The following NETO1 variants were observed in gnomAD, a reference collection of about 807,000 sequenced individuals.
NETO1 encodes neuropilin and tolloid-like protein 1.
Under a neutral mutation model 61.3 loss-of-function variants are expected in NETO1, and 26 were observed. The ratio of observed to expected loss-of-function variants is 0.42; its 90% CI spans 0.31 to 0.59. The LOEUF (loss-of-function observed/expected upper bound fraction) is 0.59. Among genes scored for constraint, NETO1 ranks in the 20% least tolerant of loss-of-function variants. The probability of loss-of-function intolerance (pLI) is 0.12; values close to 1 mark genes in which losing one functional copy is unlikely to be tolerated. For synonymous variants in NETO1, 225 were observed against 225.8 expected (o/e 1.00, Z 0.03); for missense variants, 531 against 662.8 (o/e 0.80, Z 2.18).
chr18:72,814,361 A>G (rs1291944111), intron 4 of NETO1, among the ~76,000 whole-genome samples: 2 of 152,196 alleles, frequency 1.3e-5, no homozygotes, highest in Non-Finnish European at 2.9e-5. Context: ...TAGTTTCTTG[A>G]GTAACCACTA....
Position 72,783,719 on chromosome 18 carries a change from C to T in NETO1, c.827G>A (p.Arg276Gln), listed in dbSNP as rs1269426198. The change falls in exon 7 of 11, where the codon CGA becomes CAA. Residue 276 changes from arginine to glutamine, a missense_variant. Coordinates refer to ENST00000327305, the MANE Select transcript of NETO1 (RefSeq NM_138966.5). ...GAAGAGCATCTGAAATCGGCTGTTTCGACTGCCCTCATCTGCCCACATGCG... is the reference window on the plus strand; with the variant it reads ...GAAGAGCATCTGAAATCGGCTGTTTTGACTGCCCTCATCTGCCCACATGCG... The part of the protein sequence containing the change: ...VIRMWADEGS[R>Q]NSRFQMLFTS... 6.2e-7 allele frequency: 1 copy of T among 1,614,116 alleles called. No individual in the cohort carries two copies. Among genetic ancestry groups the T allele is most frequent in the Non-Finnish European group, 8.5e-7 (1 of 1,180,006 alleles).
At chr18:72,786,975 A>G (rs917116087) in intron 6 of NETO1, among the ~76,000 whole-genome samples, 1 of 151,434 alleles carries the variant, frequency 6.6e-6, no homozygotes, top group African/African-American at 2.4e-5. Context: ...TTGCTCCAGG[A>G]TCATAAGTGA....
rs750741918 is a variant in NETO1, at chr18:72,864,956, A to G, written c.83-11T>C. On this transcript the variant is annotated splice_polypyrimidine_tract_variant and intron_variant, in intron 2 of 10. Transcript: ENST00000327305. ...AGGTGGTTTGCTTTTCTGTTAAAAA[A>G]AAAAAAAAGTTTTAAAAAGAGCCAT... 87 of 1,575,062 alleles carry G rather than the reference A, an allele frequency of 5.5e-5. No homozygotes were observed. The Admixed American group carries it at 1.8e-3, about 33-fold the overall frequency.
intron 1 of NETO1, among the ~76,000 whole-genome samples, chr18:72,866,424 A>C (rs2074734336): frequency 6.6e-6 from 1 of 152,118 alleles, no homozygotes; most frequent in African/African-American, 2.4e-5. Flanking sequence ...GTGTTTCCAC[A>C]GGAAAAAAAA....
chr18:72,796,658 A>G (rs1377798657), intron 4 of NETO1, among the ~76,000 whole-genome samples: 1 of 152,072 alleles, frequency 6.6e-6, no homozygotes, highest in Non-Finnish European at 1.5e-5. Context: ...TTGTACTTTT[A>G]GTAGAGACGG....
At chr18:72,852,626 A>C (rs956853777) in intron 4 of NETO1, among the ~76,000 whole-genome samples, 1 of 151,754 alleles carries the variant, frequency 6.6e-6, no homozygotes, top group Non-Finnish European at 1.5e-5. Context: ...TTTCTCTCCC[A>C]CTCTCAGCTT....
At chr18:72,773,967 T>C (rs1280598973) in intron 7 of NETO1, among the ~76,000 whole-genome samples, 1 of 151,910 alleles carries the variant, frequency 6.6e-6, no homozygotes, top group Non-Finnish European at 1.5e-5. Context: ...TTTATAATAA[T>C]ATAGACAAAA....
rs189034046 is a variant in NETO1, at chr18:72,788,401, C to T, written c.640-4495G>A. Among the ~76,000 whole-genome samples, 69 of 152,212 alleles carry T rather than the reference C, an allele frequency of 4.5e-4. 1 individual carries two copies. The highest frequency in any genetic ancestry group is 1.6e-3 in the African/African-American group (68 of 41,554). ...TTCCATTATCCAGAAAACGTGATCA[C>T]GCTTTCCCATACTAACTCTAGTATA... On this transcript the variant is annotated intron_variant, in intron 6 of 10. Transcript: ENST00000327305.
At chr18:72,772,469 G>A (rs1232106586) in intron 7 of NETO1, among the ~76,000 whole-genome samples, 1 of 151,956 alleles carries the variant, frequency 6.6e-6, no homozygotes, top group South Asian at 2.1e-4. Context: ...GTTTCTCTCC[G>A]TGTATGGGTT....
Position 72,775,200 on chromosome 18 carries a change from A to T in NETO1, c.868+8478T>A, listed in dbSNP as rs578255387. Among the ~76,000 whole-genome samples the T allele has an allele frequency of 2.0e-5, 3 of 152,316 alleles. No individual in the cohort carries two copies. The East Asian group carries it at 5.8e-4, about 29-fold the overall frequency. On this transcript the variant is annotated intron_variant, in intron 7 of 10. Coordinates refer to ENST00000327305, the MANE Select transcript of NETO1 (RefSeq NM_138966.5). Reference sequence around the variant, plus strand: ...TTCTCAAGCCTAGTAGCAAGTAAATACTTACCCTTTTCAGTGCCCTTATGC... The same window carrying T: ...TTCTCAAGCCTAGTAGCAAGTAAATTCTTACCCTTTTCAGTGCCCTTATGC...
intron 7 of NETO1, among the ~76,000 whole-genome samples, chr18:72,764,597 C>T (rs555362610): frequency 9.2e-5 from 14 of 152,148 alleles, no homozygotes; most frequent in Non-Finnish European, 1.9e-4. Context: ...AACGAGGGGG[C>T]TTACATCCCC....
chr18:72,843,547 C>T (rs370864043), intron 4 of NETO1, among the ~76,000 whole-genome samples: 1 of 152,044 alleles, frequency 6.6e-6, no homozygotes, highest in African/African-American at 2.4e-5. Context: ...CTACTAAACC[C>T]AATATTAGTA....
chr18:72,828,867 TTG>T (rs1249250941), intron 4 of NETO1, among the ~76,000 whole-genome samples: 1 of 152,156 alleles, frequency 6.6e-6, no homozygotes, highest in Non-Finnish European at 1.5e-5. Flanking sequence ...CAACCTAGAA[TTG>T]TCAGTTGGCA....
chr18:72,751,654 A>T (rs2070621987), intron 8 of NETO1, among the ~76,000 whole-genome samples: 1 of 152,150 alleles, frequency 6.6e-6, no homozygotes, highest in Non-Finnish European at 1.5e-5. Context: ...GATCATGCTT[A>T]CCCAAGTTTG....
At chr18:72,827,608 T>C (rs1050782003) in intron 4 of NETO1, among the ~76,000 whole-genome samples, 1 of 150,574 alleles carries the variant, frequency 6.6e-6, no homozygotes, top group African/African-American at 2.4e-5. Context: ...CCCAGCTACT[T>C]GGGAGGCTGA....
intron 7 of NETO1, among the ~76,000 whole-genome samples, chr18:72,781,210 A>G (rs933677894): frequency 3.3e-5 from 5 of 152,148 alleles, no homozygotes; most frequent in African/African-American, 1.2e-4. Flanking sequence ...GTATCATTTA[A>G]TATATTAGCT....
intron 7 of NETO1, among the ~76,000 whole-genome samples, chr18:72,772,825 CTATATATATATATATATATATATATATA>C (rs59339805): frequency 2.6e-3 from 107 of 40,862 alleles, no homozygotes; most frequent in African/African-American, 6.2e-3. Context: ...CTCTCTCTCT[CTATATATATATATATATATATATATATA>C]TATATATATA....
chr18:72,749,932 A>G, intron 9 of NETO1, 130 bp downstream of exon 9: 1 of 701,912 alleles, frequency 1.4e-6, no homozygotes, highest in Non-Finnish European at 2.3e-6. Context: ...GAGGGAAACT[A>G]TTGGAAAACT....
intron 4 of NETO1, among the ~76,000 whole-genome samples, chr18:72,840,711 G>C (rs781523866): frequency 6.6e-6 from 1 of 152,132 alleles, no homozygotes; most frequent in Non-Finnish European, 1.5e-5. Flanking sequence ...TCAGATAAAA[G>C]ATTGTGGCTA....
Sources: gnomAD v4.1 joint callset for allele counts (sites outside exome capture counted in the v4.1 genomes callset) on GRCh38, gnomAD v4.1.1 for gene constraint, MANE v1.5 for transcripts, NCBI Gene and HGNC (gene_info 2026-07-23, HGNC 2026-07-21) for gene names.